EYA3: variants seen among roughly 807,000 people sequenced by gnomAD.
The protein encoded by EYA3 is EYA transcriptional coactivator and phosphatase 3, also known as protein phosphatase EYA3.
Under a neutral mutation model 80.0 loss-of-function variants are expected in EYA3, and 39 were observed. That is an observed-to-expected ratio of 0.49 (90% CI 0.38 to 0.64). EYA3 has a LOEUF of 0.64. Among genes scored for constraint, EYA3 ranks in the 30% least tolerant of loss-of-function variants. The probability of loss-of-function intolerance (pLI) is 0.00; values close to 1 mark genes in which losing one functional copy is unlikely to be tolerated. For synonymous variants in EYA3, 206 were observed against 232.8 expected (o/e 0.88, Z 1.05); for missense variants, 523 against 676.1 (o/e 0.77, Z 2.51).
chr1:28,058,831 G>A (rs976587351), intron 1 of EYA3, among the ~76,000 whole-genome samples: 2 of 152,090 alleles, frequency 1.3e-5, no homozygotes, highest in Admixed American at 6.5e-5. Flanking sequence ...GGGATTCTAA[G>A]TCCACCTTAC....
chr1:28,034,811 T>C (rs1177180738), intron 6 of EYA3, among the ~76,000 whole-genome samples: 1 of 152,186 alleles, frequency 6.6e-6, no homozygotes, highest in Non-Finnish European at 1.5e-5. Context: ...TGTTACATAT[T>C]ACATATTTTT....
intron 1 of EYA3, among the ~76,000 whole-genome samples, chr1:28,071,373 TGATTG>T (rs1425444188): frequency 6.6e-6 from 1 of 152,238 alleles, no homozygotes; most frequent in African/African-American, 2.4e-5. Context: ...TTTTCTGTTT[TGATTG>T]AAGTTCCTAT....
chr1:28,024,764 A>G (rs1642673521), intron 7 of EYA3, among the ~76,000 whole-genome samples: 1 of 152,152 alleles, frequency 6.6e-6, no homozygotes, highest in African/African-American at 2.4e-5. Flanking sequence ...ATGACCAAAG[A>G]TAGGGCCACA....
chr1:28,057,419 A>G (rs1392514444), intron 2 of EYA3, among the ~76,000 whole-genome samples: 1 of 152,158 alleles, frequency 6.6e-6, no homozygotes, highest in Non-Finnish European at 1.5e-5. Context: ...CATAAAAGTT[A>G]TCTTAAAAGA....
chr1:28,047,461 G>A (rs968124541), intron 3 of EYA3, among the ~76,000 whole-genome samples: 6 of 152,018 alleles, frequency 3.9e-5, no homozygotes, highest in Non-Finnish European at 5.9e-5. Context: ...TAAATGAGCC[G>A]GGATGATAGT....
intron 17 of EYA3, among the ~76,000 whole-genome samples, chr1:27,976,426 C>G (rs1638931037): frequency 6.6e-6 from 1 of 152,000 alleles, no homozygotes; most frequent in Admixed American, 6.6e-5. Flanking sequence ...TGCCACTGCA[C>G]TCCAGCCTGG....
In EYA3 at chr1:28,025,554, G is replaced by A. The variant is rs115721784; in HGVS notation, c.499+2235C>T. ...AAAATGAGGTTTGGGTTGTTGTGAGGATTACGTGTGCAACATCTATCCACT... is the reference window on the plus strand; with the variant it reads ...AAAATGAGGTTTGGGTTGTTGTGAGAATTACGTGTGCAACATCTATCCACT... On this transcript the variant is annotated intron_variant, in intron 7 of 17. Transcript: ENST00000373871. Among the ~76,000 whole-genome samples, 462 of 152,260 alleles carry A rather than the reference G, an allele frequency of 3.0e-3. 2 individuals carry two copies. Among genetic ancestry groups the A allele is most frequent in the African/African-American group, 0.01 (427 of 41,558 alleles).
intron 2 of EYA3, among the ~76,000 whole-genome samples, chr1:28,050,637 CA>C (rs1390933943): frequency 1.3e-5 from 2 of 151,886 alleles, no homozygotes; most frequent in African/African-American, 4.8e-5. Flanking sequence ...TCATATCTAC[CA>C]AGCAGAAAAG....
intron 16 of EYA3, among the ~76,000 whole-genome samples, chr1:27,983,893 G>T (rs1272842242): frequency 2.0e-5 from 3 of 152,180 alleles, no homozygotes; most frequent in Non-Finnish European, 4.4e-5. Flanking sequence ...GACCTCAGGT[G>T]ATCCACCCAC....
chr1:27,983,680 G>A lies in EYA3; in HGVS notation c.1540+4855C>T, dbSNP rs574092332. On this transcript the variant is annotated intron_variant, in intron 16 of 17. Coordinates refer to ENST00000373871, the MANE Select transcript of EYA3 (RefSeq NM_001990.4). The stretch of plus-strand genomic sequence containing the variant: ...TTCTGCATTCTTTTTCTTTTGAGAT[G>A]GAGTTTCGCTCGTTGCCCAGGCTGG... 3.3e-5 allele frequency among the ~76,000 whole-genome samples: 5 copies of A among 152,250 alleles called. No homozygotes were observed. The East Asian group carries it at 5.8e-4, about 18-fold the overall frequency.
At chr1:28,067,988 C>G (rs1354703052) in intron 1 of EYA3, among the ~76,000 whole-genome samples, 1 of 152,180 alleles carries the variant, frequency 6.6e-6, no homozygotes, top group African/African-American at 2.4e-5. Context: ...GAATCCAAAA[C>G]TCTGAACTCC....
Position 27,978,257 on chromosome 1 carries a change from G to C in EYA3, c.1641+117C>G, listed in dbSNP as rs1057023563. On this transcript the variant is annotated intron_variant, in intron 17 of 17. Coordinates refer to ENST00000373871, the MANE Select transcript of EYA3 (RefSeq NM_001990.4). ...TTTTTCTTTAAAGAAAAATGGGAGA[G>C]GAAGAAAGAGAAAATATTATAAATG... 3.8e-5 allele frequency: 27 copies of C among 707,692 alleles called. No homozygotes were observed. The African/African-American group carries it at 4.2e-4, about 11-fold the overall frequency. 43.8% of individuals were successfully genotyped at this position (707,692 alleles called of 1,614,324 possible). A position where few individuals can be genotyped will look rare whatever the true frequency, so the allele number is the denominator to read the frequency against.
intron 14 of EYA3, among the ~76,000 whole-genome samples, chr1:27,991,686 A>G (rs998388747): frequency 2.0e-5 from 3 of 152,148 alleles, no homozygotes; most frequent in African/African-American, 4.8e-5. Context: ...ACAAAACGAC[A>G]ACAAAACCAG....
intron 12 of EYA3, chr1:27,998,241 C>T: frequency 8.8e-6 from 7 of 794,020 alleles, no homozygotes; most frequent in Non-Finnish European, 1.1e-5. Context: ...TTAAGAAGCT[C>T]CCCAGGTGAT....
intron 1 of EYA3, among the ~76,000 whole-genome samples, chr1:28,072,454 G>C (rs868146599): frequency 6.6e-6 from 1 of 151,978 alleles, no homozygotes; most frequent in South Asian, 2.1e-4. Flanking sequence ...CTAGTACAGA[G>C]AGCCCTGGGG....
intron 7 of EYA3, among the ~76,000 whole-genome samples, chr1:28,024,405 C>T (rs1002644546): frequency 1.3e-5 from 2 of 151,406 alleles, no homozygotes; most frequent in African/African-American, 4.9e-5. Context: ...GCCTGTAATC[C>T]CAGCACTTTG....
intron 16 of EYA3, among the ~76,000 whole-genome samples, chr1:27,983,082 CAA>C: frequency 6.6e-6 from 1 of 152,142 alleles, no homozygotes; most frequent in East Asian, 1.9e-4. Flanking sequence ...TAGAGGTTAG[CAA>C]ACTTTTTCTG....
intron 6 of EYA3, among the ~76,000 whole-genome samples, chr1:28,034,257 G>A (rs1643321965): frequency 6.6e-6 from 1 of 151,858 alleles, no homozygotes; most frequent in African/African-American, 2.4e-5. Flanking sequence ...GTTGTAAAGG[G>A]CTAATAATAA....
intron 12 of EYA3, among the ~76,000 whole-genome samples, chr1:27,997,668 T>G (rs1351734382): frequency 1.3e-5 from 2 of 152,300 alleles, no homozygotes; most frequent in African/African-American, 4.8e-5. Flanking sequence ...CCCTTACACT[T>G]CAAATGTTCT....
Sources: allele counts gnomAD v4.1 joint callset (sites outside exome capture counted in the v4.1 genomes callset), GRCh38; gene constraint gnomAD v4.1.1; transcripts MANE v1.5; gene names NCBI Gene and HGNC (gene_info 2026-07-23, HGNC 2026-07-21).